Variants in EML5 observed in about 807,000 individuals in gnomAD.
The protein encoded by EML5 is echinoderm microtubule-associated protein-like 5.
Under a neutral mutation model 250.0 loss-of-function variants are expected in EML5, and 120 were observed. That is an observed-to-expected ratio of 0.48 (90% CI 0.41 to 0.56). The LOEUF is 0.56. Ranked by LOEUF, EML5 falls within the 20% of genes least tolerant of loss-of-function variation. The pLI is 0.00. For missense variants in EML5, 2,006 were observed against 2,437.6 expected (o/e 0.82, Z 3.73); for synonymous variants, 771 against 806.5 (o/e 0.96, Z 0.75).
In EML5 at chr14:88,751,721, C is replaced by T. The variant is rs78036404; in HGVS notation, c.357+2791G>A. ...AAGTGAAAAGAAAAGGCTACAGACT[C>T]CTGAAGAACACTGATATTTAAGAAG... On this transcript the variant is annotated intron_variant, in intron 2 of 43. Coordinates refer to ENST00000554922, the MANE Select transcript of EML5 (RefSeq NM_183387.3). Among the ~76,000 whole-genome samples, 552 of 152,062 alleles carry T rather than the reference C, an allele frequency of 3.6e-3. 3 individuals are homozygous for T. Among genetic ancestry groups the T allele is most frequent in the African/African-American group, 0.012 (509 of 41,490 alleles).
chr14:88,704,530 T>C (rs879322445), intron 13 of EML5, among the ~76,000 whole-genome samples: 2 of 152,240 alleles, frequency 1.3e-5, no homozygotes, highest in Non-Finnish European at 2.9e-5. Context: ...AGAGGTTAAG[T>C]GACTTGTTTA....
intron 1 of EML5, among the ~76,000 whole-genome samples, chr14:88,767,043 T>C (rs538083129): frequency 9.2e-5 from 14 of 152,358 alleles, no homozygotes; most frequent in South Asian, 2.1e-4. Context: ...AATTTTTATA[T>C]GCTAATTTTC....
intron 33 of EML5, among the ~76,000 whole-genome samples, chr14:88,632,133 G>A (rs2090472098): frequency 6.6e-6 from 1 of 152,112 alleles, no homozygotes; most frequent in South Asian, 2.1e-4. Flanking sequence ...TTGGCTCACT[G>A]TTCAAGCAAA....
In EML5 at chr14:88,766,963, A is replaced by G. The variant is rs528940598; in HGVS notation, c.198-12292T>C. On this transcript the variant is annotated intron_variant, in intron 1 of 43. Transcript: ENST00000554922. ...ACAAATGTTTTACATTCTTTCATAA[A>G]TTCAACATGTAGGTCATCCTGGGGC... 2.0e-3 allele frequency among the ~76,000 whole-genome samples: 311 copies of G among 152,322 alleles called. 3 individuals are homozygous for G. The highest frequency in any genetic ancestry group is 7.0e-3 in the African/African-American group (293 of 41,578).
At chr14:88,619,085 G>GC (rs1225341509) in intron 39 of EML5, 2 of 233,798 alleles carry the variant, frequency 8.6e-6, no homozygotes, top group Non-Finnish European at 1.6e-5. Context: ...ACTTTCTTAG[G>GC]CCAGGCCCAG....
rs1209961635 is a variant in EML5 at position 88,740,390 on chromosome 14, A to T, written c.708T>A (p.His236Gln). The T allele has an allele frequency of 6.2e-7, 1 of 1,606,886 alleles. No individual in the cohort carries two copies. Among genetic ancestry groups the T allele is most frequent in the East Asian group, 2.2e-5 (1 of 44,836 alleles). Residue 236 changes from histidine to glutamine, a missense_variant, in exon 5 of 44, where the codon CAT (histidine) becomes CAA (glutamine). Coordinates refer to ENST00000554922, the MANE Select transcript of EML5 (RefSeq NM_183387.3). ...TAAAATACTTAAATGTACTTACAGC[A>T]TGGGCTCCTTGTATTGTTCGTATAA... Reference protein sequence around the residue: ...INLIRTIQGAHAAGIFSMNAC... With the variant: ...INLIRTIQGAQAAGIFSMNAC...
chr14:88,725,306 TTTATATA>T (rs1211866568), intron 8 of EML5, among the ~76,000 whole-genome samples: 2 of 152,142 alleles, frequency 1.3e-5, no homozygotes, highest in Non-Finnish European at 2.9e-5. Flanking sequence ...AAATGTGAAG[TTTATATA>T]TTATATATTT....
intron 2 of EML5, among the ~76,000 whole-genome samples, chr14:88,749,778 A>G (rs552741530): frequency 6.6e-6 from 1 of 152,316 alleles, no homozygotes; most frequent in African/African-American, 2.4e-5. Flanking sequence ...ACAAAAACAG[A>G]ATTAGAGTAA....
intron 29 of EML5, among the ~76,000 whole-genome samples, chr14:88,645,176 C>T (rs545794118): frequency 2.6e-5 from 4 of 152,086 alleles, no homozygotes; most frequent in South Asian, 2.1e-4. Context: ...CAAGCGTGCA[C>T]CACCACACTC....
At chr14:88,777,534 A>G (rs2094458114) in intron 1 of EML5, among the ~76,000 whole-genome samples, 1 of 152,256 alleles carries the variant, frequency 6.6e-6, no homozygotes, top group Non-Finnish European at 1.5e-5. Context: ...GTACACAGAA[A>G]AACACAGAAT....
At chr14:88,777,941 C>T (rs1403785387) in intron 1 of EML5, among the ~76,000 whole-genome samples, 1 of 152,256 alleles carries the variant, frequency 6.6e-6, no homozygotes, top group African/African-American at 2.4e-5. Context: ...TGCCACTCTA[C>T]TCCTGCCTGG....
At chr14:88,643,701 C>G (rs1028021559) in intron 30 of EML5, among the ~76,000 whole-genome samples, 3 of 152,150 alleles carry the variant, frequency 2.0e-5, no homozygotes, top group African/African-American at 4.8e-5. Context: ...ATGTCCAAGT[C>G]ACATACTTCG....
intron 1 of EML5, among the ~76,000 whole-genome samples, chr14:88,780,327 T>C (rs552858021): frequency 2.6e-5 from 4 of 152,260 alleles, no homozygotes; most frequent in South Asian, 2.1e-4. Flanking sequence ...GATATTTGTA[T>C]AGCAAACAGA....
At chr14:88,760,974 A>G (rs1003355811) in intron 1 of EML5, among the ~76,000 whole-genome samples, 3 of 152,144 alleles carry the variant, frequency 2.0e-5, no homozygotes, top group Non-Finnish European at 4.4e-5. Context: ...TAGAAATATA[A>G]CTAATTTACG....
In EML5 at chr14:88,612,621, A is replaced by G. The variant is rs2086955866; in HGVS notation, c.*3197T>C. 6.6e-6 allele frequency: 1 copy of G among 152,656 alleles called. No homozygotes were observed. The highest frequency in any genetic ancestry group is 1.5e-5 in the Non-Finnish European group (1 of 68,046). The allele number at this position is 152,656 out of a possible 1,614,324, so 9.5% of individuals were successfully genotyped here. A position where few individuals can be genotyped will look rare whatever the true frequency, so the allele number is the denominator to read the frequency against. ...CTGAAAAATAACATTCTCAGAATCC[A>G]CAGAAAATATACTTAGTTACTACTG... is the stretch of plus-strand genomic sequence containing the variant. On this transcript the variant is annotated 3_prime_UTR_variant, in exon 44 of 44. Coordinates refer to ENST00000554922, the MANE Select transcript of EML5 (RefSeq NM_183387.3).
chr14:88,721,386 C>T (rs1379203512), intron 8 of EML5, among the ~76,000 whole-genome samples: 3 of 152,120 alleles, frequency 2.0e-5, no homozygotes, highest in Non-Finnish European at 4.4e-5. Flanking sequence ...GCTACAGTAA[C>T]CAAAACAGCA....
At chr14:88,703,218 A>G (rs576831556) in intron 13 of EML5, among the ~76,000 whole-genome samples, 23 of 152,346 alleles carry the variant, frequency 1.5e-4, no homozygotes, top group African/African-American at 5.5e-4. Context: ...GTATACTATA[A>G]AACAAAAACA....
intron 7 of EML5, among the ~76,000 whole-genome samples, chr14:88,731,157 T>C (rs897161042): frequency 1.3e-5 from 2 of 152,130 alleles, no homozygotes; most frequent in Non-Finnish European, 2.9e-5. Context: ...GCCATGTTGG[T>C]GTGCTGCACT....
chr14:88,653,465 G>A (rs183472822), intron 27 of EML5, among the ~76,000 whole-genome samples: 1 of 152,138 alleles, frequency 6.6e-6, no homozygotes, highest in African/African-American at 2.4e-5. Context: ...TTTGAGATAT[G>A]TTCCATCAAA....
Sources: gnomAD v4.1 joint callset for allele counts (sites outside exome capture counted in the v4.1 genomes callset) on GRCh38, gnomAD v4.1.1 for gene constraint, MANE v1.5 for transcripts, NCBI Gene and HGNC (gene_info 2026-07-23, HGNC 2026-07-21) for gene names.